The following KATNBL1 variants were observed in gnomAD, a reference collection of about 807,000 sequenced individuals.
KATNBL1 encodes KATNB1-like protein 1.
KATNBL1 carries 28 observed loss-of-function variants against 44.7 expected under a neutral mutation model. That is an observed-to-expected ratio of 0.63 (90% confidence interval 0.46 to 0.86). KATNBL1 has a LOEUF of 0.86. KATNBL1 is among the 40% of genes least tolerant of loss of function. The probability of loss-of-function intolerance (pLI) is 0.00; values close to 1 mark genes in which losing one functional copy is unlikely to be tolerated. For missense variants in KATNBL1, 272 were observed against 350.7 expected (o/e 0.78, Z 1.79); for synonymous variants, 78 against 114.9 (o/e 0.68, Z 2.06).
chr15:34,201,080 G>C (rs1386397060), intron 1 of KATNBL1, among the ~76,000 whole-genome samples: 1 of 152,132 alleles, frequency 6.6e-6, no homozygotes, highest in Non-Finnish European at 1.5e-5. Context: ...CTCCCAAAGT[G>C]CTGGGATTAC....
intron 1 of KATNBL1, among the ~76,000 whole-genome samples, chr15:34,194,378 G>T (rs1243132512): frequency 2.0e-5 from 3 of 152,106 alleles, no homozygotes; most frequent in African/African-American, 4.8e-5. Flanking sequence ...AAAGGCCAAG[G>T]CGGGAGTAGC....
At chr15:34,189,503 A>T (rs1175492402) in intron 1 of KATNBL1, among the ~76,000 whole-genome samples, 16 of 152,232 alleles carry the variant, frequency 1.1e-4, no homozygotes, top group Non-Finnish European at 1.5e-5. Context: ...TGAACTTAGA[A>T]CTTGCAATTT....
rs148133305 is a variant in KATNBL1 at position 34,189,260 on chromosome 15, G to C, written c.-15+20691C>G. 6.3e-3 allele frequency among the ~76,000 whole-genome samples: 960 copies of C among 152,290 alleles called. 7 individuals are homozygous for C. Among genetic ancestry groups the C allele is most frequent in the African/African-American group, 0.022 (906 of 41,558 alleles). On this transcript the variant is annotated intron_variant, in intron 1 of 9. Coordinates refer to ENST00000256544, the MANE Select transcript of KATNBL1 (RefSeq NM_024713.3). ...GCTGGTCTCGAAGTCCCAACCTCAG[G>C]TTATCCGCCCGCCTCAGCCTCCCAA...
At chr15:34,178,251 A>G (rs1045419548) in intron 1 of KATNBL1, among the ~76,000 whole-genome samples, 2 of 152,248 alleles carry the variant, frequency 1.3e-5, no homozygotes, top group African/African-American at 4.8e-5. Context: ...ATAAGATGAC[A>G]GTACTAATTT....
chr15:34,165,305 C>A (rs1888931400), intron 1 of KATNBL1, among the ~76,000 whole-genome samples: 1 of 151,642 alleles, frequency 6.6e-6, no homozygotes, highest in Non-Finnish European at 1.5e-5. Flanking sequence ...GTCCACAATG[C>A]TACAATGTGA....
intron 1 of KATNBL1, among the ~76,000 whole-genome samples, chr15:34,182,686 C>T (rs1480138184): frequency 1.3e-5 from 2 of 152,028 alleles, no homozygotes; most frequent in African/African-American, 4.8e-5. Context: ...AAAGAATGAA[C>T]TACTAATAAA....
chr15:34,199,354 T>C (rs1342950155), intron 1 of KATNBL1, among the ~76,000 whole-genome samples: 1 of 152,150 alleles, frequency 6.6e-6, no homozygotes, highest in Non-Finnish European at 1.5e-5. Flanking sequence ...GGAGAATCTC[T>C]TGAACCCGGG....
At chr15:34,183,588 T>A (rs574784960) in intron 1 of KATNBL1, among the ~76,000 whole-genome samples, 2 of 152,044 alleles carry the variant, frequency 1.3e-5, no homozygotes. Flanking sequence ...CTTGCCTCAC[T>A]CCAAAAGAAA....
chr15:34,141,754 T>C lies in KATNBL1; in HGVS notation c.*585A>G, dbSNP rs1232568503. On this transcript the variant is annotated 3_prime_UTR_variant, in exon 10 of 10. Transcript: ENST00000256544. ...TGGTTTTAGTTTTTTAAAACAGATA[T>C]TGGTATCATAACACATTGGCTTATT... The C allele has an allele frequency of 1.3e-5, 2 of 152,644 alleles. No homozygotes were observed. Among genetic ancestry groups the C allele is most frequent in the African/African-American group, 2.4e-5 (1 of 41,460 alleles). The allele number at this position is 152,644 out of a possible 1,614,324, so 9.5% of individuals were successfully genotyped here. A position where few individuals can be genotyped will look rare whatever the true frequency, so the allele number is the denominator to read the frequency against.
At chr15:34,158,593 T>C (rs2140920921) in intron 2 of KATNBL1, among the ~76,000 whole-genome samples, 1 of 152,326 alleles carries the variant, frequency 6.6e-6, no homozygotes, top group South Asian at 2.1e-4. Context: ...GGACCAGGTC[T>C]TGGCCTTTGA....
chr15:34,159,255 GCCGGT>G (rs1888727140), intron 2 of KATNBL1, among the ~76,000 whole-genome samples: 3 of 152,180 alleles, frequency 2.0e-5, no homozygotes, highest in Admixed American at 2.0e-4. Context: ...GCTATGGGCT[GCCGGT>G]GGCCCCCGTG....
At chr15:34,168,600 C>T (rs760687931) in intron 1 of KATNBL1, among the ~76,000 whole-genome samples, 44 of 152,212 alleles carry the variant, frequency 2.9e-4, no homozygotes, top group Admixed American at 7.2e-4. Flanking sequence ...TAACAGACAT[C>T]TACAGAACTC....
At chr15:34,187,680 T>C (rs7178002) in intron 1 of KATNBL1, among the ~76,000 whole-genome samples, 31,375 of 152,102 alleles carry the variant, frequency 0.21, 4,058 homozygotes, top group African/African-American at 0.37. Context: ...GCAAACATCA[T>C]TGTCCACATA....
chr15:34,168,054 C>A (rs564327884), intron 1 of KATNBL1, among the ~76,000 whole-genome samples: 1 of 152,120 alleles, frequency 6.6e-6, no homozygotes, highest in Admixed American at 6.6e-5. Context: ...AACTAGCTAG[C>A]ATCATAATGA....
At chr15:34,206,186 G>C (rs1348732538) in intron 1 of KATNBL1, among the ~76,000 whole-genome samples, 1 of 152,200 alleles carries the variant, frequency 6.6e-6, no homozygotes, top group African/African-American at 2.4e-5. Context: ...GAGTATGCTA[G>C]TGGGCAGAGG....
intron 1 of KATNBL1, among the ~76,000 whole-genome samples, chr15:34,199,393 T>C (rs7164072): frequency 0.98 from 148,838 of 152,298 alleles, 72,813 homozygotes; most frequent in East Asian, 1. Flanking sequence ...GCCTAGACTG[T>C]GCCACTGCAC....
Position 34,153,015 on chromosome 15 carries a change from G to A in KATNBL1, c.213C>T (p.Arg71=). The change falls in exon 4 of 10, where the codon CGC becomes CGT. Residue 71 remains arginine, a synonymous_variant. Coordinates refer to ENST00000256544, the MANE Select transcript of KATNBL1 (RefSeq NM_024713.3). ...SPDKLRKVIY[R]RKKVHHPFPN... ...GAAAGGGATGATGAACTTTCTTTCTGCGATAGATCACTTTACGAAGTTTAT... is the reference window on the plus strand; with the variant it reads ...GAAAGGGATGATGAACTTTCTTTCTACGATAGATCACTTTACGAAGTTTAT... 6.2e-7 allele frequency: 1 copy of A among 1,613,226 alleles called. No homozygotes were observed. The highest frequency in any genetic ancestry group is 8.5e-7 in the Non-Finnish European group (1 of 1,179,220).
intron 1 of KATNBL1, chr15:34,209,397 G>A (rs552578579): frequency 1.0e-3 from 156 of 152,262 alleles, no homozygotes; most frequent in African/African-American, 3.6e-3. Context: ...TAAGAGCGTA[G>A]TAAAAGCCTA....
intron 1 of KATNBL1, among the ~76,000 whole-genome samples, chr15:34,190,084 A>G (rs112409839): frequency 0.011 from 1,636 of 151,974 alleles, 19 homozygotes; most frequent in Non-Finnish European, 0.014. Context: ...AGCTGGGACT[A>G]CAGGCGCCCG....
Sources: gnomAD v4.1 joint callset for allele counts (sites outside exome capture counted in the v4.1 genomes callset) on GRCh38, gnomAD v4.1.1 for gene constraint, MANE v1.5 for transcripts, NCBI Gene and HGNC (gene_info 2026-07-23, HGNC 2026-07-21) for gene names.